TRPM2: variants seen among roughly 807,000 people sequenced by gnomAD.
TRPM2 encodes transient receptor potential cation channel subfamily M member 2.
In TRPM2, 161 loss-of-function variants were observed where a neutral mutation model predicts 174.0. The ratio of observed to expected loss-of-function variants is 0.93; its 90% CI spans 0.81 to 1.05. The LOEUF is 1.05. TRPM2 is among the 50% of genes least tolerant of loss of function. The pLI is 0.00. For missense variants in TRPM2, 2,057 were observed against 2,038.0 expected, an observed-to-expected ratio of 1.01 and a Z score of -0.18; for synonymous variants, 954 against 861.3, an observed-to-expected ratio of 1.11 and a Z score of -1.88.
At chr21:44,414,120 C>T (rs750819431) in intron 20 of TRPM2, 46 bp downstream of exon 20, 62 of 1,582,858 alleles carry the variant, frequency 3.9e-5, no homozygotes, top group South Asian at 7.8e-5. Context: ...GGGTGGGCGG[C>T]GTTCCTGGGC....
intron 9 of TRPM2, among the ~76,000 whole-genome samples, 183 bp from the exon 10 acceptor site, chr21:44,390,721 G>A (rs190370009): frequency 1.3e-4 from 20 of 152,298 alleles, no homozygotes; most frequent in South Asian, 4.1e-4. Flanking sequence ...TTCTGACTCC[G>A]AAATGGAACA....
At chr21:44,389,345 G>A (rs1288175431) in intron 9 of TRPM2, among the ~76,000 whole-genome samples, 1 of 152,164 alleles carries the variant, frequency 6.6e-6, no homozygotes, top group Non-Finnish European at 1.5e-5. Flanking sequence ...GGTGCATTTA[G>A]GTTGTTTCCA....
chr21:44,392,174 G>C (rs1476001326), intron 11 of TRPM2, among the ~76,000 whole-genome samples: 1 of 151,528 alleles, frequency 6.6e-6, no homozygotes, highest in East Asian at 1.9e-4. Context: ...TTTTGGACAG[G>C]TTGGTCTCAA....
At chr21:44,419,029 A>G (rs980799523) in intron 22 of TRPM2, among the ~76,000 whole-genome samples, 1 of 152,134 alleles carries the variant, frequency 6.6e-6, no homozygotes, top group South Asian at 2.1e-4. Flanking sequence ...CTTCTTTCCA[A>G]GGTGCGAGGT....
At position 44,423,651 on chromosome 21, in the gene TRPM2, C is replaced by T. The variant is rs766049862; in HGVS notation, c.3468C>T (p.Asp1156=). The T allele has an allele frequency of 1.3e-5, 21 of 1,612,444 alleles. No homozygotes were observed. The highest frequency in any genetic ancestry group is 1.7e-5 in the Non-Finnish European group (20 of 1,179,642). The change falls in exon 23 of 32, where the codon GAC becomes GAT. Residue 1156 remains aspartate, a synonymous_variant. Transcript: ENST00000397928. ...CAGCTGCTTCCTCTTTCAGGGTTGA[C>T]GCCATGGTGGACCTGCTGGACCTGG... The part of the protein sequence containing the change: ...QKIEDISNKV[D]AMVDLLDLDP...
At chr21:44,405,780 C>A in intron 17 of TRPM2, 125 bp from the exon 18 acceptor site, 1 of 1,169,900 alleles carries the variant, frequency 8.5e-7, no homozygotes. Context: ...GGATGCAGGG[C>A]CCACCAGAGC....
chr21:44,364,466 C>A (rs957975199), intron 3 of TRPM2, among the ~76,000 whole-genome samples, 184 bp downstream of exon 3: 2 of 152,112 alleles, frequency 1.3e-5, no homozygotes, highest in Non-Finnish European at 2.9e-5. Context: ...AGACATGCAC[C>A]CCACTCTCAG....
At chr21:44,409,391 C>A (rs1055291988) in intron 19 of TRPM2, among the ~76,000 whole-genome samples, 17 of 152,130 alleles carry the variant, frequency 1.1e-4, no homozygotes, top group Admixed American at 3.9e-4. Flanking sequence ...ATCAGTGGAC[C>A]ATTAACATAA....
chr21:44,399,361 G>A lies in TRPM2; in HGVS notation c.2128G>A (p.Glu710Lys), dbSNP rs773408790. 14 of 1,612,794 alleles carry A rather than the reference G, an allele frequency of 8.7e-6. No individual in the cohort carries two copies. The highest frequency in any genetic ancestry group is 1.1e-5 in the South Asian group (1 of 91,078). The change falls in exon 14 of 32, where the codon GAG becomes AAG. Residue 710 changes from glutamate (E) to lysine (K), a missense_variant. By Grantham distance (56) the Glu-to-Lys change is moderately conservative (BLOSUM62 1). Coordinates refer to ENST00000397928, the MANE Select transcript of TRPM2 (RefSeq NM_003307.4). This position sits in a 1 kb window ranked among gnomAD's most constrained non-coding sequence, Gnocchi z 4.6. ...CCAGAAACTGCTCACCCGCGTGTCCGAGGCCTGGGGGAAGACCACCTGCCT... is the reference window on the plus strand; with the variant it reads ...CCAGAAACTGCTCACCCGCGTGTCCAAGGCCTGGGGGAAGACCACCTGCCT... ...RAQKLLTRVS[E>K]AWGKTTCLQL...
chr21:44,413,981 C>G lies in TRPM2; in HGVS notation c.3053C>G (p.Pro1018Arg). 2 of 1,613,950 alleles carry G rather than the reference C, an allele frequency of 1.2e-6. No individual in the cohort carries two copies. The highest frequency in any genetic ancestry group is 1.1e-5 in the South Asian group (1 of 91,080). The stretch of plus-strand genomic sequence containing the variant: ...GAGAGCGACGCGACGCAGCAGAGGC[C>G]GGCCTTCCCTGAGTGGCTGACGGTC... ...CPESDATQQR[P>R]AFPEWLTVLL... The change falls in exon 20 of 32, where the codon CCG becomes CGG. Residue 1018 changes from proline to arginine, a missense_variant. Physicochemically the swap from Pro to Arg is moderately radical, Grantham distance 103. Coordinates refer to ENST00000397928, the MANE Select transcript of TRPM2 (RefSeq NM_003307.4).
Position 44,375,850 on chromosome 21 carries a change from G to A in TRPM2, c.789G>A (p.Glu263=), listed in dbSNP as rs373339992. The A allele has an allele frequency of 4.8e-5, 77 of 1,613,612 alleles. No homozygotes were observed. Among genetic ancestry groups the A allele is most frequent in the Non-Finnish European group, 6.3e-5 (74 of 1,179,806 alleles). ...CATCCCAGGGCAGCTTCCCCGCCGAGTACATACTGGATGAGGATGGCCAAG... is the reference window on the plus strand; with the variant it reads ...CATCCCAGGGCAGCTTCCCCGCCGAATACATACTGGATGAGGATGGCCAAG... ...LIHPTGSFPA[E]YILDEDGQGN... is the part of the protein sequence containing the mutation. Residue 263 remains glutamate (E), a synonymous_variant, in exon 6 of 32, where the codon GAG becomes GAA. Coordinates refer to ENST00000397928, the MANE Select transcript of TRPM2 (RefSeq NM_003307.4).
intron 27 of TRPM2, 75 bp from the exon 28 acceptor site, chr21:44,435,056 C>G: frequency 6.8e-7 from 1 of 1,476,400 alleles, no homozygotes; most frequent in Non-Finnish European, 9.4e-7. Flanking sequence ...GCTGTCCCCT[C>G]TCAGTCCCCC....
Position 44,354,608 on chromosome 21 carries a change from C to G in TRPM2, c.166-40C>G, listed in dbSNP as rs370646137. On this transcript the variant is annotated intron_variant, in intron 1 of 31. Transcript: ENST00000397928. This position sits in a 1 kb window ranked among gnomAD's most constrained non-coding sequence, Gnocchi z 4.3. ...CTCCAGGGGGCTGGGTGTGCTCTTT[C>G]GAATGTTGGAAGATCTCAGTGTGCT... 6.3e-7 allele frequency: 1 copy of G among 1,579,130 alleles called. No homozygotes were observed. The highest frequency in any genetic ancestry group is 1.1e-5 in the South Asian group (1 of 90,376).
chr21:44,421,990 C>T (rs1451880180), intron 22 of TRPM2, among the ~76,000 whole-genome samples: 1 of 152,250 alleles, frequency 6.6e-6, no homozygotes, highest in Non-Finnish European at 1.5e-5. Context: ...GGGCCGCTGG[C>T]TGGTGTGCTG....
Position 44,426,992 on chromosome 21 carries a change from C to T in TRPM2, c.3873-18C>T. 6.3e-7 allele frequency: 1 copy of T among 1,574,900 alleles called. No homozygotes were observed. The highest frequency in any genetic ancestry group is 1.2e-5 in the South Asian group (1 of 86,304). On this transcript the variant is annotated intron_variant, in intron 26 of 31. Coordinates refer to ENST00000397928, the MANE Select transcript of TRPM2 (RefSeq NM_003307.4). ...CTGCAACACGGGCACACAGACACGC[C>T]TTCTCCTCTGCTCCCAGCACCCTGG...
intron 5 of TRPM2, 36 bp downstream of exon 5, chr21:44,369,379 C>G: frequency 6.3e-7 from 1 of 1,580,822 alleles, no homozygotes; most frequent in Non-Finnish European, 8.6e-7. Flanking sequence ...AGCCTAAGAC[C>G]AGGGGTGTGG....
rs539777101 is a variant in TRPM2, at chr21:44,354,180, C to T, written c.165+315C>T. ...GCATAATGATTTCACATCCTTTATC[C>T]GATTGGGAGGGCCTGGGCCTGGGCT... On this transcript the variant is annotated intron_variant, in intron 1 of 31. Transcript: ENST00000397928. This position sits in a 1 kb window ranked among gnomAD's most constrained non-coding sequence, Gnocchi z 4.3. Among the ~76,000 whole-genome samples, 4 of 152,308 alleles carry T rather than the reference C, an allele frequency of 2.6e-5. No homozygotes were observed. The highest frequency in any genetic ancestry group is 7.2e-5 in the African/African-American group (3 of 41,560).
At chr21:44,429,474 A>T (rs1018515840) in intron 27 of TRPM2, among the ~76,000 whole-genome samples, 15 of 151,378 alleles carry the variant, frequency 9.9e-5, no homozygotes, top group African/African-American at 3.6e-4. Flanking sequence ...TTTAGTAGAG[A>T]TGGGGTTTCA....
rs752512943 is a variant in TRPM2, at chr21:44,406,685, G to T, written c.2882G>T (p.Arg961Leu). The change falls in exon 19 of 32, where the codon CGC becomes CTC. Residue 961 changes from arginine to leucine, a missense_variant. Physicochemically the swap from Arg to Leu is moderately radical, Grantham distance 102 (BLOSUM62 -2). Coordinates refer to ENST00000397928, the MANE Select transcript of TRPM2 (RefSeq NM_003307.4). Reference sequence around the variant, plus strand: ...CAGGCCATCCTCATCCACAACGAGCGCCGGGTGGACTGGCTGTTCCGAGGG... The same window carrying T: ...CAGGCCATCCTCATCCACAACGAGCTCCGGGTGGACTGGCTGTTCCGAGGG... ...AKQAILIHNE[R>L]RVDWLFRGAV... 6.2e-7 allele frequency: 1 copy of T among 1,610,200 alleles called. No individual in the cohort carries two copies. Among genetic ancestry groups the T allele is most frequent in the African/African-American group, 1.3e-5 (1 of 74,920 alleles).
Sources: gnomAD v4.1 joint callset for allele counts (sites outside exome capture counted in the v4.1 genomes callset) on GRCh38, gnomAD v4.1.1 for gene constraint, Gnocchi (gnomAD v3.1) non-coding constraint, MANE v1.5 for transcripts, NCBI Gene and HGNC (gene_info 2026-07-23, HGNC 2026-07-21) for gene names.